The following EPB41L3 variants were observed in gnomAD, a reference collection of about 807,000 sequenced individuals.
The protein encoded by EPB41L3 is erythrocyte membrane protein band 4.1 like 3, also known as band 4.1-like protein 3.
A neutral mutation model predicts 127.1 loss-of-function variants in EPB41L3; 57 were observed. The observed-to-expected ratio is 0.45, with a 90% CI of 0.36 to 0.56. The LOEUF is 0.56. Ranked by LOEUF, EPB41L3 falls within the 20% of genes least tolerant of loss-of-function variation. The pLI, the probability that EPB41L3 is intolerant of heterozygous loss-of-function variation, is 0.00. For missense variants in EPB41L3, 1,273 were observed against 1,372.2 expected (o/e 0.93, Z 1.14); for synonymous variants, 572 against 549.5 (o/e 1.04, Z -0.57).
At chr18:5,530,643 G>A (rs1051317113) in intron 1 of EPB41L3, among the ~76,000 whole-genome samples, 21 of 151,972 alleles carry the variant, frequency 1.4e-4, no homozygotes, top group African/African-American at 3.9e-4. Context: ...AGTCACCTCC[G>A]ACACCCTCCT....
chr18:5,606,544 ACTTAT>A (rs1390448156), intron 3 of EPB41L3, among the ~76,000 whole-genome samples: 1 of 152,162 alleles, frequency 6.6e-6, no homozygotes, highest in African/African-American at 2.4e-5. Context: ...TATTCGTATG[ACTTAT>A]CTTCTTGCAC....
At chr18:5,407,029 C>G in intron 15 of EPB41L3, 61 bp from the exon 16 acceptor site, 2 of 1,490,736 alleles carry the variant, frequency 1.3e-6, no homozygotes, top group East Asian at 4.5e-5. Flanking sequence ...CCTTTCAGCT[C>G]TTTTGTTTGC....
At chr18:5,586,406 T>A (rs867735223) in intron 3 of EPB41L3, among the ~76,000 whole-genome samples, 1 of 148,756 alleles carries the variant, frequency 6.7e-6, no homozygotes, top group East Asian at 1.9e-4. Flanking sequence ...CTTTTTTGTT[T>A]TTTTTTTTTT....
chr18:5,493,433 T>C (rs1200542952), intron 1 of EPB41L3, among the ~76,000 whole-genome samples: 1 of 152,182 alleles, frequency 6.6e-6, no homozygotes, highest in Non-Finnish European at 1.5e-5. Context: ...TGTAAATTTA[T>C]AGGAGAAGTG....
At position 5,567,912 on chromosome 18, in the gene EPB41L3, T is replaced by TC. The variant is rs534649032; in HGVS notation, c.-306+44427_-306+44428insG. On this transcript the variant is annotated intron_variant, in intron 3 of 21. Coordinates refer to the EPB41L3 transcript ENST00000545076. The stretch of plus-strand genomic sequence containing the variant: ...AGAGAATATTTTTTAAAACTGAGAA[T>TC]ATTATAGTCACATAGAATGAAAAAT... Among the ~76,000 whole-genome samples, 37 of 152,296 alleles carry TC rather than the reference T, an allele frequency of 2.4e-4. No individual in the cohort carries two copies. The South Asian group carries it at 7.2e-3, about 30-fold the overall frequency.
chr18:5,498,875 C>T (rs947588725), intron 1 of EPB41L3, among the ~76,000 whole-genome samples: 3 of 152,150 alleles, frequency 2.0e-5, no homozygotes, highest in Admixed American at 2.0e-4. Flanking sequence ...CCATTGTGCC[C>T]TCAATGTGCC....
At chr18:5,459,415 T>C (rs1301328252) in intron 3 of EPB41L3, among the ~76,000 whole-genome samples, 1 of 152,144 alleles carries the variant, frequency 6.6e-6, no homozygotes, top group Non-Finnish European at 1.5e-5. Context: ...TTGAAGGCCT[T>C]ATCAGATTTA....
chr18:5,551,472 C>G (rs984958729), intron 3 of EPB41L3, among the ~76,000 whole-genome samples: 4 of 152,054 alleles, frequency 2.6e-5, no homozygotes, highest in Non-Finnish European at 5.9e-5. Flanking sequence ...CTCCTGTAAT[C>G]CCAGCACTTT....
chr18:5,588,369 T>TA (rs2094457787), intron 3 of EPB41L3, among the ~76,000 whole-genome samples: 1 of 152,088 alleles, frequency 6.6e-6, no homozygotes, highest in South Asian at 2.1e-4. Context: ...ATGAGTAACC[T>TA]AAAACTGGTA....
chr18:5,543,767 C>T lies in EPB41L3; in HGVS notation c.-12+146G>A, dbSNP rs2093819570. 1 of 634,940 alleles carries T rather than the reference C, an allele frequency of 1.6e-6. No individual in the cohort carries two copies. The highest frequency in any genetic ancestry group is 2.0e-6 in the Non-Finnish European group (1 of 511,066). The allele number at this position is 634,940 out of a possible 1,614,324, so 39.3% of individuals were successfully genotyped here. A position where few individuals can be genotyped will look rare whatever the true frequency, so the allele number is the denominator to read the frequency against. ...CCCCGGCCGCGCCGGGCGCGGGGCT[C>T]GGGATTCGGGAGACCGCGCGGCGCC... On this transcript the variant is annotated intron_variant, in intron 1 of 22. Transcript: ENST00000341928. The surrounding 1 kb of genome is among the most constrained non-coding windows in gnomAD (Gnocchi z 5.2).
Position 5,438,107 on chromosome 18 carries a change from C to A in EPB41L3, c.533G>T (p.Gly178Val). The change falls in exon 6 of 23, where the codon GGT becomes GTT. Residue 178 changes from glycine (G) to valine (V), a missense_variant. Physicochemically the swap from Gly to Val is moderately radical, Grantham distance 109 (BLOSUM62 -3). This residue lies in a region of EPB41L3 where 326 missense variants were observed against 440.2 expected (regional missense o/e 0.74). Coordinates refer to ENST00000341928, the MANE Select transcript of EPB41L3 (RefSeq NM_012307.5). ...AKEIKKQVRSGAWHFSFNVKF... is the reference protein window; with the variant it reads ...AKEIKKQVRSVAWHFSFNVKF... ...CACATTAAATGAAAAGTGCCAAGCACCACCTGCAAGGATGGAAAAAAATTA... is the reference window on the plus strand; with the variant it reads ...CACATTAAATGAAAAGTGCCAAGCAACACCTGCAAGGATGGAAAAAAATTA... 6.2e-7 allele frequency: 1 copy of A among 1,613,272 alleles called. No homozygotes were observed. The highest frequency in any genetic ancestry group is 8.5e-7 in the Non-Finnish European group (1 of 1,179,762).
intron 3 of EPB41L3, among the ~76,000 whole-genome samples, chr18:5,456,244 T>TA (rs1474787705): frequency 6.6e-6 from 1 of 152,188 alleles, no homozygotes; most frequent in Non-Finnish European, 1.5e-5. Flanking sequence ...GTCATTGCTT[T>TA]AAAAAACTAT....
chr18:5,422,982 A>G (rs1402894052), intron 11 of EPB41L3, among the ~76,000 whole-genome samples: 1 of 152,180 alleles, frequency 6.6e-6, no homozygotes, highest in Non-Finnish European at 1.5e-5. Context: ...ACAGAAATAA[A>G]TTTAACTTAT....
intron 3 of EPB41L3, among the ~76,000 whole-genome samples, chr18:5,570,385 A>T (rs976578265): frequency 2.0e-5 from 3 of 152,202 alleles, no homozygotes. Flanking sequence ...GCACAAGAGA[A>T]TCAAGTTATA....
At chr18:5,593,567 A>G (rs1454263423) in intron 3 of EPB41L3, among the ~76,000 whole-genome samples, 1 of 152,156 alleles carries the variant, frequency 6.6e-6, no homozygotes, top group Non-Finnish European at 1.5e-5. Flanking sequence ...TAAAATTGCT[A>G]ATGAAGTTTC....
Position 5,543,109 on chromosome 18 carries a change from G to A in EPB41L3, c.-12+804C>T, listed in dbSNP as rs1004144223. Among the ~76,000 whole-genome samples, 7 of 151,550 alleles carry A rather than the reference G, an allele frequency of 4.6e-5. No individual in the cohort carries two copies. Among genetic ancestry groups the A allele is most frequent in the East Asian group, 2.0e-4 (1 of 5,122 alleles). ...CGGGCCACGGCAGGCCGACCCAGGC[G>A]CCCCCGGCCCGCCCGTGCTCCCGCG... On this transcript the variant is annotated intron_variant, in intron 1 of 22. Transcript: ENST00000341928. The surrounding 1 kb of genome is among the most constrained non-coding windows in gnomAD (Gnocchi z 5.2).
At position 5,410,552 on chromosome 18, in the gene EPB41L3, G is replaced by A. The variant is rs1394306533; in HGVS notation, c.2121+14C>T. On this transcript the variant is annotated intron_variant, in intron 14 of 22. Coordinates refer to ENST00000341928, the MANE Select transcript of EPB41L3 (RefSeq NM_012307.5). ...GGTATGCCACTACCAGCCACTCTCA[G>A]CCAAAATACCAACCTCAGTGGCAGT... 1 of 1,611,568 alleles carries A rather than the reference G, an allele frequency of 6.2e-7. No homozygotes were observed. Among genetic ancestry groups the A allele is most frequent in the Admixed American group, 1.7e-5 (1 of 59,968 alleles).
intron 3 of EPB41L3, among the ~76,000 whole-genome samples, chr18:5,471,248 G>A (rs2086091312): frequency 6.6e-6 from 1 of 152,220 alleles, no homozygotes. Flanking sequence ...AGAAGCAGTT[G>A]AAAGGGCAGC....
chr18:5,423,465 T>G lies in EPB41L3; in HGVS notation c.1252A>C (p.Arg418=). The change falls in exon 11 of 23, where the codon AGA becomes CGA. Residue 418 remains arginine (R), a synonymous_variant. Transcript: ENST00000341928. ...GGGCGATCTATCAACGCACTGGCTC[T>G]TCTCGTTTGCGCTTGTGTCCTGCCA... ...YSGRTQAQTR[R]ASALIDRPAP... The G allele has an allele frequency of 6.2e-7, 1 of 1,614,036 alleles. No individual in the cohort carries two copies. The highest frequency in any genetic ancestry group is 8.5e-7 in the Non-Finnish European group (1 of 1,179,952).
Sources: gnomAD v4.1 joint callset for allele counts (sites outside exome capture counted in the v4.1 genomes callset) on GRCh38, gnomAD v4.1.1 for gene constraint, gnomAD v4.1.1 regional missense constraint, Gnocchi (gnomAD v3.1) non-coding constraint, MANE v1.5 for transcripts, NCBI Gene and HGNC (gene_info 2026-07-23, HGNC 2026-07-21) for gene names.